The following FLRT1 variants were observed in gnomAD, a reference collection of about 807,000 sequenced individuals.
The protein encoded by FLRT1 is fibronectin leucine rich transmembrane protein 1.
A neutral mutation model predicts 30.9 loss-of-function variants in FLRT1; 14 were observed. The observed-to-expected ratio is 0.45, with a 90% CI of 0.30 to 0.71. The LOEUF (loss-of-function observed/expected upper bound fraction) is 0.71. FLRT1 is among the 30% of genes least tolerant of loss of function. The pLI is 0.08. For missense variants in FLRT1, 737 were observed against 949.2 expected (o/e 0.78, Z 2.94); for synonymous variants, 368 against 430.4 (o/e 0.85, Z 1.80).
intron 1 of FLRT1, among the ~76,000 whole-genome samples, chr11:64,071,815 A>G (rs1481939950): frequency 6.6e-6 from 1 of 151,960 alleles, no homozygotes; most frequent in African/African-American, 2.4e-5. Flanking sequence ...GTAGGGATGG[A>G]TCTTTAAGGG....
At chr11:64,105,526 G>T (rs1944746206) in intron 2 of FLRT1, among the ~76,000 whole-genome samples, 1 of 152,154 alleles carries the variant, frequency 6.6e-6, no homozygotes, top group Non-Finnish European at 1.5e-5. Flanking sequence ...CTCCACACAG[G>T]CTGTGGCCAG....
rs1262571429 is a variant in FLRT1, at chr11:64,090,377, A to G, written c.-1037-12817A>G. 6.6e-6 allele frequency among the ~76,000 whole-genome samples: 1 copy of G among 152,214 alleles called. No homozygotes were observed. Among genetic ancestry groups the G allele is most frequent in the Non-Finnish European group, 1.5e-5 (1 of 68,038 alleles). On this transcript the variant is annotated intron_variant, in intron 1 of 2. Coordinates refer to ENST00000682287, the MANE Select transcript of FLRT1 (RefSeq NM_013280.5). The surrounding 1 kb of genome is among the most constrained non-coding windows in gnomAD (Gnocchi z 4.7). The stretch of plus-strand genomic sequence containing the variant: ...CCACAAATAAGTAAACTCAGGCAGC[A>G]GGGCACAATTACTGAGCCTGGTGCT...
intron 2 of FLRT1, among the ~76,000 whole-genome samples, chr11:64,111,639 C>T (rs748624640): frequency 5.0e-4 from 76 of 152,174 alleles, no homozygotes; most frequent in Admixed American, 9.2e-4. Context: ...GCAACCTCTG[C>T]ACCCTTGCCT....
At chr11:64,073,509 A>G (rs1269054617) in intron 1 of FLRT1, among the ~76,000 whole-genome samples, 1 of 152,242 alleles carries the variant, frequency 6.6e-6, no homozygotes, top group African/African-American at 2.4e-5. Context: ...GGATTAGCTG[A>G]GGTCCTCTGT....
chr11:64,040,148 C>T (rs1590825381), intron 1 of FLRT1, among the ~76,000 whole-genome samples: 1 of 152,242 alleles, frequency 6.6e-6, no homozygotes, highest in East Asian at 1.9e-4. Context: ...GCCCTCAGGG[C>T]GCTTCCAGTC....
chr11:64,094,204 G>A (rs1430839038), intron 1 of FLRT1, among the ~76,000 whole-genome samples: 5 of 152,326 alleles, frequency 3.3e-5, no homozygotes, highest in Non-Finnish European at 7.3e-5. Context: ...AGGCCAAAGC[G>A]GGTGGAGCAC....
chr11:64,064,671 G>A lies in FLRT1; in HGVS notation c.-1038+28512G>A, dbSNP rs1354232484. On this transcript the variant is annotated intron_variant, in intron 1 of 2. Transcript: ENST00000682287. The surrounding 1 kb of genome is among the most constrained non-coding windows in gnomAD (Gnocchi z 4.5). ...AGGGGCCTCTGGCAGGACATTAAAC[G>A]GCACCGAGATAGAAGGAGGGGGGCC... Among the ~76,000 whole-genome samples, 1 of 135,430 alleles carries A rather than the reference G, an allele frequency of 7.4e-6. No individual in the cohort carries two copies. Among genetic ancestry groups the A allele is most frequent in the Non-Finnish European group, 1.5e-5 (1 of 65,094 alleles). 88.8% of individuals were successfully genotyped at this position (135,430 alleles called of 152,430 possible). A position where few individuals can be genotyped will look rare whatever the true frequency, so the allele number is the denominator to read the frequency against.
intron 1 of FLRT1, among the ~76,000 whole-genome samples, chr11:64,071,067 C>T (rs969896989): frequency 6.6e-6 from 1 of 152,118 alleles, no homozygotes; most frequent in Non-Finnish European, 1.5e-5. Flanking sequence ...GTTGGGGACA[C>T]CAGGCCTTTG....
At chr11:64,095,613 G>A (rs1464553136) in intron 1 of FLRT1, among the ~76,000 whole-genome samples, 2 of 152,224 alleles carry the variant, frequency 1.3e-5, no homozygotes, top group Non-Finnish European at 2.9e-5. Flanking sequence ...TGGAAGGAAA[G>A]GCGGCTTCCC....
In FLRT1 at chr11:64,117,263, T is replaced by C. The variant is rs772744996; in HGVS notation, c.996T>C (p.Cys332=). The stretch of plus-strand genomic sequence containing the variant: ...TGCTCAGGAACAACCCTTGGTTTTG[T>C]GGCTGCAACCTCATGTGGCTGCGGG... ...QLLLRNNPWF[C]GCNLMWLRDW... The change falls in exon 3 of 3, where the codon TGT becomes TGC. Residue 332 remains cysteine (C), a synonymous_variant. Coordinates refer to ENST00000682287, the MANE Select transcript of FLRT1 (RefSeq NM_013280.5). The C allele has an allele frequency of 3.7e-6, 6 of 1,614,182 alleles. No homozygotes were observed. In the East Asian group the frequency reaches 1.1e-4, roughly 30 times the overall value.
At chr11:64,071,863 G>T (rs1401234471) in intron 1 of FLRT1, among the ~76,000 whole-genome samples, 2 of 152,190 alleles carry the variant, frequency 1.3e-5, no homozygotes, top group Non-Finnish European at 2.9e-5. Flanking sequence ...TGGGCCGTGG[G>T]CAGTAGTGGC....
chr11:64,061,326 GAGCCTCCGCCCCC>G (rs1943899743), intron 1 of FLRT1, among the ~76,000 whole-genome samples: 1 of 152,168 alleles, frequency 6.6e-6, no homozygotes, highest in Admixed American at 6.5e-5. Flanking sequence ...CCTTCACGCT[GAGCCTCCGCCCCC>G]AGCCCGCAGC....
chr11:64,110,774 G>T lies in FLRT1; in HGVS notation c.-49-5445G>T, dbSNP rs149468798. ...ACAAGCGATCCCATAAAAGATGGGC[G>T]ATTTACCAGGTTTAATTTGATGGCC... On this transcript the variant is annotated intron_variant, in intron 2 of 2. Coordinates refer to ENST00000682287, the MANE Select transcript of FLRT1 (RefSeq NM_013280.5). Among the ~76,000 whole-genome samples the T allele has an allele frequency of 2.0e-3, 310 of 152,314 alleles. 1 individual carries two copies. Among genetic ancestry groups the T allele is most frequent in the African/African-American group, 7.0e-3 (292 of 41,558 alleles).
intron 1 of FLRT1, among the ~76,000 whole-genome samples, chr11:64,065,262 G>A (rs1048398912): frequency 2.2e-4 from 34 of 152,160 alleles, no homozygotes; most frequent in Non-Finnish European, 4.0e-4. Flanking sequence ...GCAGTGAGGC[G>A]GTGGGTGGGC....
At position 64,090,736 on chromosome 11, in the gene FLRT1, C is replaced by T. The variant is rs1944474710; in HGVS notation, c.-1037-12458C>T. 6.6e-6 allele frequency among the ~76,000 whole-genome samples: 1 copy of T among 152,020 alleles called. No homozygotes were observed. Among genetic ancestry groups the T allele is most frequent in the South Asian group, 2.1e-4 (1 of 4,824 alleles). On this transcript the variant is annotated intron_variant, in intron 1 of 2. Transcript: ENST00000682287. The surrounding 1 kb of genome is among the most constrained non-coding windows in gnomAD (Gnocchi z 4.7). ...GGGCAGGGGTGGCAGCGTCTCTCCA[C>T]CACATCCCAAGACTAAAAGGGGGGC...
At chr11:64,065,659 G>A (rs1031460292) in intron 1 of FLRT1, among the ~76,000 whole-genome samples, 22 of 152,010 alleles carry the variant, frequency 1.4e-4, no homozygotes, top group Admixed American at 1.3e-4. Context: ...GCATGGTGGC[G>A]GCCGCCTGTA....
chr11:64,055,591 G>A (rs1015088148), intron 1 of FLRT1, among the ~76,000 whole-genome samples: 2 of 152,224 alleles, frequency 1.3e-5, no homozygotes, highest in Non-Finnish European at 2.9e-5. Context: ...GTCCCTCCAC[G>A]AGGCAGCCAG....
intron 1 of FLRT1, among the ~76,000 whole-genome samples, chr11:64,058,390 G>A (rs1943831737): frequency 6.6e-6 from 1 of 152,044 alleles, no homozygotes; most frequent in Non-Finnish European, 1.5e-5. Flanking sequence ...GTCACCTGCA[G>A]GTGAGGAGGG....
Position 64,117,995 on chromosome 11 carries a change from C to G in FLRT1, c.1728C>G (p.Tyr576Ter). 1.9e-6 allele frequency: 3 copies of G among 1,613,776 alleles called. No individual in the cohort carries two copies. The highest frequency in any genetic ancestry group is 2.2e-5 in the South Asian group (2 of 91,088). ...TGGTCCTGGGGGCCATCTGCTGGTA[C>G]GTGCACCAGGCTGGCGAGCTGCTGA... ...LFLVLGAICW[Y>*]VHQAGELLTR... The change falls in exon 3 of 3, where the codon TAC becomes TAG. Residue 576 changes from tyrosine (Y) to a stop codon, truncating the protein, a stop_gained. Coordinates refer to ENST00000682287, the MANE Select transcript of FLRT1 (RefSeq NM_013280.5). LOFTEE classifies it high-confidence loss of function.
Sources: gnomAD v4.1 joint callset for allele counts (sites outside exome capture counted in the v4.1 genomes callset) on GRCh38, gnomAD v4.1.1 for gene constraint, Gnocchi (gnomAD v3.1) non-coding constraint, MANE v1.5 for transcripts, NCBI Gene and HGNC (gene_info 2026-07-23, HGNC 2026-07-21) for gene names.